Variants in ZNF362 observed in about 807,000 individuals in gnomAD.
ZNF362 encodes the protein rotund homolog.
In ZNF362, 11 loss-of-function variants were observed where a neutral mutation model predicts 42.9. The ratio of observed to expected loss-of-function variants is 0.26; its 90% CI spans 0.16 to 0.42. The LOEUF (loss-of-function observed/expected upper bound fraction) is 0.42, where lower values mean the gene tolerates loss of function less well. ZNF362 is among the 20% of genes least tolerant of loss of function. The probability of loss-of-function intolerance (pLI) is 1.00; values close to 1 mark genes in which losing one functional copy is unlikely to be tolerated. For synonymous variants in ZNF362, 255 were observed against 257.3 expected, an observed-to-expected ratio of 0.99 and a Z score of 0.09; for missense variants, 362 against 576.2, an observed-to-expected ratio of 0.63 and a Z score of 3.81.
chr1:33,198,390 G>C, the ZNF362 span, among the ~76,000 whole-genome samples: 1 of 152,150 alleles, frequency 6.6e-6, no homozygotes, highest in Non-Finnish European at 1.5e-5. Flanking sequence ...TCAAAGCTGG[G>C]CATGGTGGCT....
the ZNF362 span, among the ~76,000 whole-genome samples, chr1:33,208,946 C>A: frequency 6.6e-6 from 1 of 152,186 alleles, no homozygotes; most frequent in Non-Finnish European, 1.5e-5. Context: ...CTGGCCAGAA[C>A]TTCCAATACT....
the ZNF362 span, among the ~76,000 whole-genome samples, chr1:33,247,354 G>T: frequency 6.6e-6 from 1 of 152,234 alleles, no homozygotes; most frequent in African/African-American, 2.4e-5. Flanking sequence ...ACCACACAGC[G>T]TGTGAATGGT....
rs1246195185 is a variant in ZNF362 at position 33,261,497 on chromosome 1, G to A, written c.-89+4843G>A. 2.6e-5 allele frequency: 4 copies of A among 152,042 alleles called. 1 individual carries two copies. The South Asian group carries it at 6.2e-4, about 24-fold the overall frequency. The allele number at this position is 152,042 out of a possible 1,614,324, so 9.4% of individuals were successfully genotyped here. A position where few individuals can be genotyped will look rare whatever the true frequency, so the allele number is the denominator to read the frequency against. On this transcript the variant is annotated intron_variant, in intron 1 of 8. Coordinates refer to ENST00000539719, the MANE Select transcript of ZNF362 (RefSeq NM_152493.3). ...AGACAGCCTTGAGGCAGACAGCCTC[G>A]GTGCATTGTTGAATGTAAGAATGAA...
the ZNF362 span, among the ~76,000 whole-genome samples, chr1:33,201,066 A>T: frequency 6.6e-6 from 1 of 150,510 alleles, no homozygotes; most frequent in Non-Finnish European, 1.5e-5. Context: ...TGAGGAAATA[A>T]TTTTTTTTTT....
At chr1:33,276,758 G>A (rs1311918965) in intron 4 of ZNF362, among the ~76,000 whole-genome samples, 164 bp downstream of exon 4, 1 of 152,232 alleles carries the variant, frequency 6.6e-6, no homozygotes, top group African/African-American at 2.4e-5. Flanking sequence ...GCCACGACGA[G>A]CCACAGCACC....
chr1:33,271,475 G>A (rs1645903679), intron 2 of ZNF362, among the ~76,000 whole-genome samples: 1 of 152,246 alleles, frequency 6.6e-6, no homozygotes, highest in South Asian at 2.1e-4. Flanking sequence ...TTACATGGGG[G>A]GCAGGAGCAA....
intron 1 of ZNF362, among the ~76,000 whole-genome samples, chr1:33,269,259 A>AT (rs1272752826): frequency 1.3e-5 from 2 of 152,046 alleles, no homozygotes; most frequent in Admixed American, 1.3e-4. Flanking sequence ...ACTTTCTTTC[A>AT]TTTTTTAAGA....
the ZNF362 span, among the ~76,000 whole-genome samples, chr1:33,250,593 CA>C: frequency 1.3e-5 from 2 of 151,910 alleles, no homozygotes; most frequent in South Asian, 2.1e-4. Context: ...ATTTGGGGAG[CA>C]GGGGGAGGGA....
At chr1:33,188,006 C>T in the ZNF362 span, among the ~76,000 whole-genome samples, 9 of 152,098 alleles carry the variant, frequency 5.9e-5, no homozygotes, top group African/African-American at 1.7e-4. Flanking sequence ...GAGGCCGAGA[C>T]GGGCAGATCA....
At chr1:33,187,406 T>C in the ZNF362 span, among the ~76,000 whole-genome samples, 1 of 152,198 alleles carries the variant, frequency 6.6e-6, no homozygotes. Context: ...TCATGTTCTG[T>C]CACTGCTTCT....
the ZNF362 span, among the ~76,000 whole-genome samples, chr1:33,188,221 A>T: frequency 6.6e-6 from 1 of 151,236 alleles, no homozygotes; most frequent in Non-Finnish European, 1.5e-5. Flanking sequence ...ACAGAATGAG[A>T]CTTCATCTCA....
At chr1:33,245,921 C>A in the ZNF362 span, among the ~76,000 whole-genome samples, 3 of 152,028 alleles carry the variant, frequency 2.0e-5, no homozygotes, top group African/African-American at 7.2e-5. Context: ...GACTGGGTGA[C>A]AGAACAAGAC....
the ZNF362 span, among the ~76,000 whole-genome samples, chr1:33,250,377 A>G: frequency 2.6e-5 from 4 of 152,252 alleles, no homozygotes; most frequent in Non-Finnish European, 5.9e-5. Flanking sequence ...AAAATGTGCT[A>G]CATATACACC....
intron 2 of ZNF362, among the ~76,000 whole-genome samples, chr1:33,274,564 CA>C (rs1032990270): frequency 6.6e-6 from 1 of 152,142 alleles, no homozygotes; most frequent in Non-Finnish European, 1.5e-5. Context: ...GATGGAGGAG[CA>C]GGGGGGCTGA....
At chr1:33,233,468 A>G in the ZNF362 span, among the ~76,000 whole-genome samples, 5 of 151,240 alleles carry the variant, frequency 3.3e-5, no homozygotes, top group African/African-American at 1.2e-4. Flanking sequence ...TAGTGGTGCA[A>G]TCTCGGCTCA....
In ZNF362 at chr1:33,280,534, A is replaced by G. The variant is rs1645985583; in HGVS notation, c.683+77A>G. ...GCCAGGGCTGCTCCAGGAGCCCAGCAGCGGGGCTGAAACAGGACCCTTAGG... is the reference window on the plus strand; with the variant it reads ...GCCAGGGCTGCTCCAGGAGCCCAGCGGCGGGGCTGAAACAGGACCCTTAGG... On this transcript the variant is annotated intron_variant, in intron 5 of 8. Coordinates refer to ENST00000539719, the MANE Select transcript of ZNF362 (RefSeq NM_152493.3). The surrounding 1 kb of genome is among the most constrained non-coding windows in gnomAD (Gnocchi z 5.6). The G allele has an allele frequency of 6.8e-7, 1 of 1,470,938 alleles. No individual in the cohort carries two copies. The highest frequency in any genetic ancestry group is 9.0e-7 in the Non-Finnish European group (1 of 1,105,628). The allele number at this position is 1,470,938 out of a possible 1,614,324, so 91.1% of individuals were successfully genotyped here. A position where few individuals can be genotyped will look rare whatever the true frequency, so the allele number is the denominator to read the frequency against.
the ZNF362 span, among the ~76,000 whole-genome samples, chr1:33,200,969 A>T: frequency 2.0e-5 from 3 of 152,190 alleles, no homozygotes; most frequent in African/African-American, 2.4e-5. Context: ...CAGGGAGAAG[A>T]CCGTCATCTA....
At chr1:33,219,463 G>A in the ZNF362 span, among the ~76,000 whole-genome samples, 1 of 152,202 alleles carries the variant, frequency 6.6e-6, no homozygotes. Flanking sequence ...AGATTGCAGG[G>A]CAGGAGCCCA....
chr1:33,210,710 G>C, the ZNF362 span, among the ~76,000 whole-genome samples: 1 of 151,812 alleles, frequency 6.6e-6, no homozygotes, highest in South Asian at 2.1e-4. Context: ...GATCTTTGTT[G>C]GTTTAAAGTC....
Sources: allele counts gnomAD v4.1 joint callset (sites outside exome capture counted in the v4.1 genomes callset), GRCh38; gene constraint gnomAD v4.1.1; non-coding constraint Gnocchi (gnomAD v3.1); transcripts MANE v1.5; gene names NCBI Gene and HGNC (gene_info 2026-07-23, HGNC 2026-07-21).